TGFB2: variants seen among roughly 807,000 people sequenced by gnomAD.
TGFB2 encodes transforming growth factor beta 2, also known as transforming growth factor beta-2 proprotein.
In TGFB2, 13 loss-of-function variants were observed where a neutral mutation model predicts 42.7. The observed-to-expected ratio is 0.30, with a 90% confidence interval of 0.20 to 0.48. The LOEUF is 0.48. Among genes scored for constraint, TGFB2 ranks in the 20% least tolerant of loss-of-function variants. The pLI is 0.99. For missense variants in TGFB2, 390 were observed against 517.5 expected, an observed-to-expected ratio of 0.75 and a Z score of 2.39; for synonymous variants, 193 against 193.6, an observed-to-expected ratio of 1.00 and a Z score of 0.03.
chr1:218,377,577 C>T (rs951767518), intron 1 of TGFB2, among the ~76,000 whole-genome samples: 6 of 152,194 alleles, frequency 3.9e-5, no homozygotes, highest in African/African-American at 1.4e-4. Context: ...TCCTCCTCCC[C>T]CTAATGTATT....
At chr1:218,358,091 T>G (rs1173361366) in intron 1 of TGFB2, among the ~76,000 whole-genome samples, 1 of 152,232 alleles carries the variant, frequency 6.6e-6, no homozygotes, top group Non-Finnish European at 1.5e-5. Context: ...TAGGCTATTG[T>G]AAGAATCCTT....
At chr1:218,349,591 A>G (rs2102530852) in intron 1 of TGFB2, among the ~76,000 whole-genome samples, 1 of 152,360 alleles carries the variant, frequency 6.6e-6, no homozygotes, top group Non-Finnish European at 1.5e-5. Context: ...ATTAGCGTTC[A>G]GGGAGTGACT....
intron 1 of TGFB2, among the ~76,000 whole-genome samples, chr1:218,390,458 T>A (rs1266750250): frequency 6.6e-6 from 1 of 152,192 alleles, no homozygotes; most frequent in African/African-American, 2.4e-5. Context: ...GCTGCCATTT[T>A]TCAGTCAGTT....
chr1:218,352,032 C>G (rs955315880), intron 1 of TGFB2, among the ~76,000 whole-genome samples: 2 of 152,120 alleles, frequency 1.3e-5, no homozygotes, highest in African/African-American at 4.8e-5. Context: ...AGTGGAGGCT[C>G]CTGGCCCTGG....
intron 1 of TGFB2, among the ~76,000 whole-genome samples, chr1:218,383,202 G>A (rs985827806): frequency 1.3e-5 from 2 of 152,210 alleles, no homozygotes; most frequent in African/African-American, 2.4e-5. Context: ...CAAGGCCCTA[G>A]GACTGGATTT....
intron 1 of TGFB2, among the ~76,000 whole-genome samples, chr1:218,366,122 T>C (rs1276277318): frequency 6.6e-6 from 1 of 152,214 alleles, no homozygotes; most frequent in Non-Finnish European, 1.5e-5. Context: ...AAGATGTGGT[T>C]AGCCTGCCTA....
At chr1:218,415,460 C>A (rs1348831470) in intron 2 of TGFB2, among the ~76,000 whole-genome samples, 1 of 151,706 alleles carries the variant, frequency 6.6e-6, no homozygotes, top group Admixed American at 6.6e-5. Context: ...TTTGGGAGGC[C>A]GAGGTGGGTG....
Position 218,441,217 on chromosome 1 carries a change from A to G in TGFB2, c.1100A>G (p.Tyr367Cys), listed in dbSNP as rs1660140116. ...DTQHSRVLSL[Y>C]NTINPEASAS... is the part of the protein sequence containing the mutation. ...GTGTCCTTTCAGGTCCTGAGCTTAT[A>G]TAATACCATAAATCCAGAAGCATCT... The change falls in exon 7 of 7, where the codon TAT (tyrosine) becomes TGT (cysteine). Residue 367 changes from tyrosine to cysteine, a missense_variant. Transcript: ENST00000366930. 6.2e-7 allele frequency: 1 copy of G among 1,612,476 alleles called. No homozygotes were observed.
intron 1 of TGFB2, among the ~76,000 whole-genome samples, chr1:218,347,755 T>A (rs1346816929): frequency 6.6e-6 from 1 of 152,236 alleles, no homozygotes; most frequent in Non-Finnish European, 1.5e-5. Context: ...CGTTTCTGAC[T>A]GTGTTTTAAA....
At chr1:218,416,782 G>A (rs1659295650) in intron 2 of TGFB2, among the ~76,000 whole-genome samples, 1 of 152,166 alleles carries the variant, frequency 6.6e-6, no homozygotes, top group Non-Finnish European at 1.5e-5. Flanking sequence ...CTGGGTGGGA[G>A]GTAATTGAAT....
chr1:218,416,820 T>C (rs1046281571), intron 2 of TGFB2, among the ~76,000 whole-genome samples: 2 of 152,148 alleles, frequency 1.3e-5, no homozygotes. Context: ...CCCATGCTGC[T>C]CTTGTGATAG....
chr1:218,407,858 A>T (rs1338634174), intron 2 of TGFB2, among the ~76,000 whole-genome samples: 3 of 152,186 alleles, frequency 2.0e-5, no homozygotes, highest in African/African-American at 4.8e-5. Flanking sequence ...ATAGAAGAAT[A>T]ATAAGACAAA....
chr1:218,441,397 T>C lies in TGFB2; in HGVS notation c.*35T>C, dbSNP rs1203026622. ...AAAAGTGGCAAGACCAAAATGACAA[T>C]GATGATGATAATGATGATGACGACG... is the stretch of plus-strand genomic sequence containing the variant. On this transcript the variant is annotated 3_prime_UTR_variant, in exon 7 of 7. Coordinates refer to ENST00000366930, the MANE Select transcript of TGFB2 (RefSeq NM_003238.6). The C allele has an allele frequency of 6.3e-7, 1 of 1,580,384 alleles. No individual in the cohort carries two copies. The highest frequency in any genetic ancestry group is 2.2e-5 in the East Asian group (1 of 44,488).
chr1:218,431,831 T>C (rs986665851), intron 2 of TGFB2, among the ~76,000 whole-genome samples: 20 of 152,216 alleles, frequency 1.3e-4, no homozygotes, highest in African/African-American at 4.8e-4. Flanking sequence ...AGGTTAATTA[T>C]ACCATTTATT....
chr1:218,405,323 G>A lies in TGFB2; in HGVS notation c.501G>A (p.Glu167=), dbSNP rs550789732. Residue 167 remains glutamate (E), a synonymous_variant, in exon 2 of 7, where the codon GAG becomes GAA. Transcript: ENST00000366930. ...PKARVPEQRI[E]LYQILKSKDL... The stretch of plus-strand genomic sequence containing the variant: ...CCAGAGTGCCTGAACAACGGATTGA[G>A]CTATATCAGGTAATGTTCATTTGTT... The A allele has an allele frequency of 3.3e-4, 533 of 1,613,862 alleles. 5 individuals carry two copies. The South Asian group carries it at 4.8e-3, about 15-fold the overall frequency.
intron 1 of TGFB2, among the ~76,000 whole-genome samples, chr1:218,348,805 A>G (rs1656777897): frequency 1.3e-5 from 2 of 152,236 alleles, no homozygotes; most frequent in Admixed American, 6.5e-5. Flanking sequence ...TATGTTATGT[A>G]GAACCTGAAT....
rs1011745457 is a variant in TGFB2 at position 218,438,281 on chromosome 1, G to A, written c.1086+785G>A. On this transcript the variant is annotated intron_variant, in intron 6 of 6. Transcript: ENST00000366930. ...ATCATATATAGATAAAGTGTGAAGG[G>A]ACCCAGGTCTCCATCTAAAAAAAAA... Among the ~76,000 whole-genome samples the A allele has an allele frequency of 2.6e-5, 4 of 152,134 alleles. No individual in the cohort carries two copies. In the East Asian group the frequency reaches 7.7e-4, roughly 29 times the overall value.
intron 2 of TGFB2, among the ~76,000 whole-genome samples, chr1:218,416,051 T>A (rs1171991389): frequency 4.6e-5 from 7 of 152,130 alleles, no homozygotes. Context: ...AGAGCAGGGT[T>A]TTGGGGAACA....
chr1:218,361,254 A>G (rs1016882410), intron 1 of TGFB2, among the ~76,000 whole-genome samples: 3 of 152,220 alleles, frequency 2.0e-5, no homozygotes, highest in African/African-American at 7.2e-5. Context: ...CTTCTAAGGC[A>G]TTGGATCAGC....
Sources: allele counts gnomAD v4.1 joint callset (sites outside exome capture counted in the v4.1 genomes callset), GRCh38; gene constraint gnomAD v4.1.1; transcripts MANE v1.5; gene names NCBI Gene and HGNC (gene_info 2026-07-23, HGNC 2026-07-21).